The following FOXN3 variants were observed in gnomAD, a reference collection of about 807,000 sequenced individuals.
The protein encoded by FOXN3 is forkhead box protein N3.
A neutral mutation model predicts 38.4 loss-of-function variants in FOXN3; 7 were observed. That is an observed-to-expected ratio of 0.18 (90% CI 0.10 to 0.34). The LOEUF is 0.34. Ranked by LOEUF, FOXN3 falls within the 10% of genes least tolerant of loss-of-function variation. FOXN3 has a pLI of 1.00. For missense variants in FOXN3, 456 were observed against 613.4 expected (o/e 0.74, Z 2.71); for synonymous variants, 230 against 242.2 (o/e 0.95, Z 0.47).
chr14:89,162,967 T>C lies in FOXN3; in HGVS notation c.854A>G (p.Asn285Ser). 1 of 1,556,214 alleles carries C rather than the reference T, an allele frequency of 6.4e-7. No homozygotes were observed. Among genetic ancestry groups the C allele is most frequent in the Non-Finnish European group, 8.7e-7 (1 of 1,147,600 alleles). ...TPIGVTAAMR[N>S]GITSCRMRTE... ...CCGCATCCGGCAGCTGGTGATGCCA[T>C]TCCTGCAGAGCGAGGACAGTGGGGA... The change falls in exon 6 of 6, where the codon AAT (asparagine) becomes AGT (serine). Residue 285 changes from asparagine to serine, a missense_variant and splice_region_variant. Asn to Ser is a conservative substitution (Grantham distance 46). Transcript: ENST00000557258. This position sits in a 1 kb window ranked among gnomAD's most constrained non-coding sequence, Gnocchi z 7.2.
intron 4 of FOXN3, among the ~76,000 whole-genome samples, chr14:89,210,738 C>T (rs969106007): frequency 3.3e-5 from 5 of 152,166 alleles, no homozygotes; most frequent in African/African-American, 9.7e-5. Context: ...CCTCAGCACC[C>T]AGTAATGGAA....
intron 1 of FOXN3, among the ~76,000 whole-genome samples, chr14:89,597,817 T>G (rs1019621716): frequency 1.3e-5 from 2 of 152,204 alleles, no homozygotes; most frequent in Non-Finnish European, 2.9e-5. Context: ...TGTACGTTTA[T>G]AAGAAAGGTA....
Position 89,162,359 on chromosome 14 carries a change from C to A in FOXN3, c.*55G>T. 7.1e-7 allele frequency: 1 copy of A among 1,403,218 alleles called. No homozygotes were observed. The highest frequency in any genetic ancestry group is 1.6e-5 in the South Asian group (1 of 64,404). The allele number at this position is 1,403,218 out of a possible 1,614,324, so 86.9% of individuals were successfully genotyped here. On this transcript the variant is annotated 3_prime_UTR_variant, in exon 6 of 6. Coordinates refer to ENST00000557258, the MANE Select transcript of FOXN3 (RefSeq NM_005197.4). The surrounding 1 kb of genome is among the most constrained non-coding windows in gnomAD (Gnocchi z 7.2). ...TATTGCCACAAATCATTAGAAATCT[C>A]CTGACATGCTGAAACCAAATGGTCG...
At position 89,321,804 on chromosome 14, in the gene FOXN3, T is replaced by A. The variant is rs551701319; in HGVS notation, c.680+28868A>T. Among the ~76,000 whole-genome samples, 94 of 150,110 alleles carry A rather than the reference T, an allele frequency of 6.3e-4. No individual in the cohort carries two copies. In the South Asian group the frequency reaches 7.7e-3, roughly 12 times the overall value. ...TCTTTCTTCTTTCCTTTTTTTTTTT[T>A]AAATAAAAAAACAAACAAGAAGCCC... On this transcript the variant is annotated intron_variant, in intron 3 of 5. Coordinates refer to ENST00000557258, the MANE Select transcript of FOXN3 (RefSeq NM_005197.4).
chr14:89,561,687 G>A (rs1895251185), intron 1 of FOXN3, among the ~76,000 whole-genome samples: 1 of 152,194 alleles, frequency 6.6e-6, no homozygotes, highest in Non-Finnish European at 1.5e-5. Context: ...CTGAAGGAAG[G>A]AAGTGCGTGT....
At chr14:89,369,885 C>A (rs1010041338) in intron 2 of FOXN3, among the ~76,000 whole-genome samples, 3 of 152,170 alleles carry the variant, frequency 2.0e-5, no homozygotes, top group Non-Finnish European at 4.4e-5. Flanking sequence ...AAAGTTCAGA[C>A]AAGTTAACGA....
intron 5 of FOXN3, among the ~76,000 whole-genome samples, chr14:89,173,362 A>T (rs945113086): frequency 6.6e-6 from 1 of 152,250 alleles, no homozygotes; most frequent in African/African-American, 2.4e-5. Context: ...TGCTGGTGGC[A>T]GTGTAATTGG....
At chr14:89,375,981 C>T (rs959133019) in intron 2 of FOXN3, among the ~76,000 whole-genome samples, 1 of 152,078 alleles carries the variant, frequency 6.6e-6, no homozygotes, top group Non-Finnish European at 1.5e-5. Flanking sequence ...CAGGATTTCA[C>T]CATGTTGGCC....
Position 89,477,558 on chromosome 14 carries a change from G to T in FOXN3, c.-14-65068C>A, listed in dbSNP as rs564629005. 2.0e-5 allele frequency among the ~76,000 whole-genome samples: 3 copies of T among 152,352 alleles called. No homozygotes were observed. The East Asian group carries it at 5.8e-4, about 29-fold the overall frequency. On this transcript the variant is annotated intron_variant, in intron 1 of 6. Coordinates refer to the FOXN3 transcript ENST00000345097. ...CTCACCCACAACAGCCAAGAACACAGCTGCAAAGAGTGCCAAGGCCTTCTT... is the reference window on the plus strand; with the variant it reads ...CTCACCCACAACAGCCAAGAACACATCTGCAAAGAGTGCCAAGGCCTTCTT...
At chr14:89,179,911 AGAAG>A (rs1887619874) in intron 5 of FOXN3, among the ~76,000 whole-genome samples, 1 of 152,246 alleles carries the variant, frequency 6.6e-6, no homozygotes, top group Admixed American at 6.5e-5. Context: ...TGGCTCGAGG[AGAAG>A]GAAGGACTAT....
intron 4 of FOXN3, among the ~76,000 whole-genome samples, chr14:89,207,198 C>T (rs147631376): frequency 5.6e-4 from 85 of 151,842 alleles, no homozygotes; most frequent in African/African-American, 2.0e-3. Flanking sequence ...CCAGCCTGGG[C>T]AAAAAGAGCA....
intron 1 of FOXN3, among the ~76,000 whole-genome samples, chr14:89,598,968 TA>T (rs1896107777): frequency 6.6e-6 from 1 of 152,190 alleles, no homozygotes; most frequent in African/African-American, 2.4e-5. Context: ...CTATCTCAGC[TA>T]TTTTTTTCCA....
intron 2 of FOXN3, among the ~76,000 whole-genome samples, chr14:89,372,994 C>T (rs1304557601): frequency 1.3e-5 from 2 of 151,938 alleles, no homozygotes; most frequent in African/African-American, 4.8e-5. Flanking sequence ...AGGAAAATCC[C>T]ATCTCTACCA....
chr14:89,405,487 C>T (rs904344685), intron 2 of FOXN3, among the ~76,000 whole-genome samples: 11 of 152,066 alleles, frequency 7.2e-5, no homozygotes, highest in Non-Finnish European at 1.3e-4. Flanking sequence ...CTACCGAGAG[C>T]AAACGTGAAG....
intron 4 of FOXN3, among the ~76,000 whole-genome samples, chr14:89,225,606 A>AAAAAAT (rs922488536): frequency 1.5e-4 from 23 of 152,308 alleles, no homozygotes; most frequent in African/African-American, 4.6e-4. Context: ...TCCGTCTCAA[A>AAAAAAT]AAAAATAAAA....
intron 1 of FOXN3, among the ~76,000 whole-genome samples, chr14:89,462,273 C>A (rs1445540572): frequency 6.6e-6 from 1 of 152,178 alleles, no homozygotes; most frequent in Non-Finnish European, 1.5e-5. Flanking sequence ...AGGTCAAATA[C>A]ACAGGACTGG....
At chr14:89,611,077 A>C (rs1216691102) in intron 1 of FOXN3, among the ~76,000 whole-genome samples, 3 of 152,178 alleles carry the variant, frequency 2.0e-5, no homozygotes, top group Admixed American at 1.3e-4. Flanking sequence ...TGGCATGCCC[A>C]GTGATGATTT....
chr14:89,488,988 G>A (rs1190141306), intron 1 of FOXN3, among the ~76,000 whole-genome samples: 2 of 152,160 alleles, frequency 1.3e-5, no homozygotes, highest in Non-Finnish European at 2.9e-5. Flanking sequence ...GTATGGCATT[G>A]CTTCTAGAAA....
At chr14:89,477,769 T>C (rs529677161) in intron 1 of FOXN3, among the ~76,000 whole-genome samples, 1 of 152,162 alleles carries the variant, frequency 6.6e-6, no homozygotes, top group East Asian at 1.9e-4. Flanking sequence ...ACAAAGACCA[T>C]GTATATTAAA....
Sources: allele counts gnomAD v4.1 joint callset (sites outside exome capture counted in the v4.1 genomes callset), GRCh38; gene constraint gnomAD v4.1.1; non-coding constraint Gnocchi (gnomAD v3.1); transcripts MANE v1.5; gene names NCBI Gene and HGNC (gene_info 2026-07-23, HGNC 2026-07-21).